Variants in ENSA observed in about 807,000 individuals in gnomAD.
ENSA encodes the protein alpha-endosulfine.
A neutral mutation model predicts 16.8 loss-of-function variants in ENSA; 7 were observed. The observed-to-expected ratio is 0.42, with a 90% CI of 0.24 to 0.78. The LOEUF is 0.78. ENSA is among the 30% of genes least tolerant of loss of function. The pLI, the probability that ENSA is intolerant of heterozygous loss-of-function variation, is 0.29. For missense variants in ENSA, 87 were observed against 142.3 expected (o/e 0.61, Z 1.98); for synonymous variants, 58 against 53.4 (o/e 1.09, Z -0.37).
chr1:150,625,607 G>A lies in ENSA; in HGVS notation c.350+35C>T, dbSNP rs752239839. 9 of 1,557,938 alleles carry A rather than the reference G, an allele frequency of 5.8e-6. No individual in the cohort carries two copies. In the Admixed American group the frequency reaches 1.5e-4, roughly 26 times the overall value. On this transcript the variant is annotated intron_variant, in intron 3 of 3. Coordinates refer to ENST00000369014, the MANE Select transcript of ENSA (RefSeq NM_004436.4). ...GCCTATAATATATAAACGTCCAGTG[G>A]TTGAGGAAGGGGAGGAGAGGGGGGC...
At chr1:150,624,220 T>C (rs1260560950) in intron 3 of ENSA, 1 of 985,346 alleles carries the variant, frequency 1.0e-6, no homozygotes, top group East Asian at 1.1e-4. Context: ...ATAAAAGAGC[T>C]GGGTTGCTGA....
Position 150,629,151 on chromosome 1 carries a change from G to C in ENSA, c.57+263C>G, listed in dbSNP as rs376923966. On this transcript the variant is annotated intron_variant, in intron 1 of 3. Coordinates refer to ENST00000369014, the MANE Select transcript of ENSA (RefSeq NM_004436.4). ...TTCCAACCACCCGCCCCACGTCCAT[G>C]CTCGGCCAATTATAGCACAGCGTCC... 7.1e-5 allele frequency: 114 copies of C among 1,613,796 alleles called. No individual in the cohort carries two copies. The African/African-American group carries it at 8.1e-4, about 12-fold the overall frequency.
At position 150,629,471 on chromosome 1, in the gene ENSA, G is replaced by A. The variant is rs781200378; in HGVS notation, c.-1C>T. ...TCTCTTCTTCTTGTTTCTGGGACAT[G>A]GCGGGACCGGGACTGTGGAGTGTAA... On this transcript the variant is annotated 5_prime_UTR_variant, in exon 1 of 4. Coordinates refer to ENST00000369014, the MANE Select transcript of ENSA (RefSeq NM_004436.4). The A allele has an allele frequency of 1.2e-6, 2 of 1,613,684 alleles. No individual in the cohort carries two copies. Among genetic ancestry groups the A allele is most frequent in the South Asian group, 1.1e-5 (1 of 91,056 alleles).
chr1:150,622,875 G>GAA lies in ENSA; in HGVS notation c.351-18_351-17dup, dbSNP rs749231011. ...AACTTGGCCACTGCGGACGAACACAGAAGAAAAAAAAAAAAAACAACACTG... is the reference window on the plus strand; with the variant it reads ...AACTTGGCCACTGCGGACGAACACAGAAAAGAAAAAAAAAAAAAACAACACTG... On this transcript the variant is annotated splice_polypyrimidine_tract_variant and intron_variant, in intron 3 of 3. Coordinates refer to ENST00000369014, the MANE Select transcript of ENSA (RefSeq NM_004436.4). The GAA allele has an allele frequency of 4.1e-6, 5 of 1,232,182 alleles. No homozygotes were observed. The highest frequency in any genetic ancestry group is 6.3e-5 in the Admixed American group (2 of 31,648). 76.3% of individuals were successfully genotyped at this position (1,232,182 alleles called of 1,614,324 possible).
chr1:150,628,910 C>G, intron 1 of ENSA: 1 of 750,308 alleles, frequency 1.3e-6, no homozygotes, highest in South Asian at 1.7e-5. Context: ...TAAAATAGGT[C>G]TCTTGAGAAA....
chr1:150,629,146 T>A, intron 1 of ENSA: 1 of 1,613,918 alleles, frequency 6.2e-7, no homozygotes, highest in Non-Finnish European at 8.5e-7. Flanking sequence ...CCGCCCCACG[T>A]CCATGCTCGG....
In ENSA at chr1:150,626,566, T is replaced by A. The variant is rs587676980; in HGVS notation, c.184-758A>T. On this transcript the variant is annotated intron_variant, in intron 2 of 3. Coordinates refer to ENST00000369014, the MANE Select transcript of ENSA (RefSeq NM_004436.4). ...GAGGAGAGTAAGGAAAATAAAAAAA[T>A]TTTTTTTTGAGATGGAGCCTCGCTA... is the stretch of plus-strand genomic sequence containing the variant. 5.7e-4 allele frequency: 859 copies of A among 1,510,544 alleles called. 2 individuals are homozygous for A. The highest frequency in any genetic ancestry group is 8.3e-4 in the Admixed American group (47 of 56,568). 93.6% of individuals were successfully genotyped at this position (1,510,544 alleles called of 1,614,324 possible). A position where few individuals can be genotyped will look rare whatever the true frequency, so the allele number is the denominator to read the frequency against.
intron 2 of ENSA, chr1:150,626,442 C>T: frequency 6.3e-7 from 1 of 1,596,166 alleles, no homozygotes; most frequent in Non-Finnish European, 8.6e-7. Flanking sequence ...GACTAAGACT[C>T]AATAACTGGG....
chr1:150,622,835 C>G lies in ENSA; in HGVS notation c.*9G>C. 6.5e-7 allele frequency: 1 copy of G among 1,532,132 alleles called. No individual in the cohort carries two copies. The allele number at this position is 1,532,132 out of a possible 1,614,324, so 94.9% of individuals were successfully genotyped here. On this transcript the variant is annotated 3_prime_UTR_variant, in exon 4 of 4. Transcript: ENST00000369014. ...AGCGTCTCAGGATCTGGCAGAGCCC[C>G]GGGCAGCATCATTCAACTTGGCCAC...
chr1:150,622,433 T>C lies in ENSA; in HGVS notation c.*411A>G. On this transcript the variant is annotated 3_prime_UTR_variant, in exon 4 of 4. Coordinates refer to ENST00000369014, the MANE Select transcript of ENSA (RefSeq NM_004436.4). ...ATCTACAGAGCTCAACTAGAACCCC[T>C]TTTCATTAGGCTACTCCACTTCCTT... The C allele has an allele frequency of 5.1e-6, 1 of 195,544 alleles. No individual in the cohort carries two copies. Among genetic ancestry groups the C allele is most frequent in the Non-Finnish European group, 1.0e-5 (1 of 97,276 alleles). The allele number at this position is 195,544 out of a possible 1,614,324, so 12.1% of individuals were successfully genotyped here. A position where few individuals can be genotyped will look rare whatever the true frequency, so the allele number is the denominator to read the frequency against.
Position 150,629,460 on chromosome 1 carries a change from T to C in ENSA, c.11A>G (p.Lys4Arg), listed in dbSNP as rs148754482. The C allele has an allele frequency of 1.4e-5, 23 of 1,613,732 alleles. No homozygotes were observed. In the African/African-American group the frequency reaches 3.1e-4, roughly 22 times the overall value. MSQKQEEENPAEET... is the reference protein window; with the variant it reads MSQRQEEENPAEET... ...CTCCGCAGGGTTCTCTTCTTCTTGT[T>C]TCTGGGACATGGCGGGACCGGGACT... is the stretch of plus-strand genomic sequence containing the variant. The change falls in exon 1 of 4, where the codon AAA becomes AGA. Residue 4 changes from lysine to arginine, a missense_variant. Coordinates refer to ENST00000369014, the MANE Select transcript of ENSA (RefSeq NM_004436.4).
intron 3 of ENSA, chr1:150,624,172 C>T: frequency 1.0e-6 from 1 of 985,476 alleles, no homozygotes; most frequent in South Asian, 4.7e-5. Flanking sequence ...CCCTTTCCTC[C>T]ACCTGTTCAT....
chr1:150,626,580 G>A (rs1649332284), intron 2 of ENSA: 20 of 1,389,950 alleles, frequency 1.4e-5, no homozygotes. Context: ...TTTTTGAGAT[G>A]GAGCCTCGCT....
chr1:150,625,521 A>C, intron 3 of ENSA, 121 bp downstream of exon 3: 5 of 1,432,302 alleles, frequency 3.5e-6, no homozygotes, highest in Non-Finnish European at 4.6e-6. Context: ...CCCCCAGCAG[A>C]ATCACAGTCA....
At chr1:150,628,126 G>A (rs1278551017) in intron 1 of ENSA, among the ~76,000 whole-genome samples, 2 of 152,140 alleles carry the variant, frequency 1.3e-5, no homozygotes, top group Non-Finnish European at 1.5e-5. Flanking sequence ...TTGAAACCCC[G>A]TCTCTACAAC....
At position 150,629,432 on chromosome 1, in the gene ENSA, C is replaced by G. The variant is rs1296213104; in HGVS notation, c.39G>C (p.Glu13Asp). ...ACTTCACCTGCTTCTCCTCGCCGGTCTCCTCCGCAGGGTTCTCTTCTTCTT... is the reference window on the plus strand; with the variant it reads ...ACTTCACCTGCTTCTCCTCGCCGGTGTCCTCCGCAGGGTTCTCTTCTTCTT... ...QKQEEENPAE[E>D]TGEEKQDTQE... Residue 13 changes from glutamate (E) to aspartate (D), a missense_variant, in exon 1 of 4, where the codon GAG becomes GAC. Glu to Asp is a conservative substitution (Grantham distance 45, BLOSUM62 2). Transcript: ENST00000369014. 2 of 1,613,780 alleles carry G rather than the reference C, an allele frequency of 1.2e-6. No individual in the cohort carries two copies. Among genetic ancestry groups the G allele is most frequent in the East Asian group, 2.2e-5 (1 of 44,882 alleles).
intron 2 of ENSA, among the ~76,000 whole-genome samples, chr1:150,626,021 C>T (rs887700122): frequency 1.3e-5 from 2 of 152,192 alleles, no homozygotes; most frequent in African/African-American, 4.8e-5. Context: ...GGTACATAAG[C>T]AATTTCCCAG....
chr1:150,626,588 G>C, intron 2 of ENSA: 1 of 1,292,658 alleles, frequency 7.7e-7, no homozygotes, highest in Non-Finnish European at 1.1e-6. Context: ...ATGGAGCCTC[G>C]CTATGTTGCC....
chr1:150,622,984 CTGGCA>C (rs1404112002), intron 3 of ENSA, 125 bp from the exon 4 acceptor site: 13 of 1,268,714 alleles, frequency 1.0e-5, no homozygotes, highest in Non-Finnish European at 7.5e-6. Flanking sequence ...ATTAGGCTAC[CTGGCA>C]TGTCTCAATC....
Sources: allele counts gnomAD v4.1 joint callset (sites outside exome capture counted in the v4.1 genomes callset), GRCh38; gene constraint gnomAD v4.1.1; transcripts MANE v1.5; gene names NCBI Gene and HGNC (gene_info 2026-07-23, HGNC 2026-07-21).